The following RBFOX1 variants were observed in gnomAD, a reference collection of about 807,000 sequenced individuals.
RBFOX1 encodes the protein RNA binding protein fox-1 homolog 1.
A neutral mutation model predicts 57.7 loss-of-function variants in RBFOX1; 8 were observed. That is an observed-to-expected ratio of 0.14 (90% CI 0.08 to 0.25). The LOEUF is 0.25. Ranked by LOEUF, RBFOX1 falls within the 10% of genes least tolerant of loss-of-function variation. RBFOX1 has a pLI of 1.00. For synonymous variants in RBFOX1, 326 were observed against 222.4 expected, an observed-to-expected ratio of 1.47 and a Z score of -4.15; for missense variants, 611 against 548.5, an observed-to-expected ratio of 1.11 and a Z score of -1.14.
chr16:7,668,616 A>G (rs1042773908), intron 13 of RBFOX1, among the ~76,000 whole-genome samples: 1 of 152,084 alleles, frequency 6.6e-6, no homozygotes, highest in African/African-American at 2.4e-5. Flanking sequence ...AATGGAGGGT[A>G]GGAATGATCT....
chr16:5,565,478 A>T (rs1005562753), intron 2 of RBFOX1, among the ~76,000 whole-genome samples: 14 of 151,984 alleles, frequency 9.2e-5, no homozygotes, highest in Non-Finnish European at 1.8e-4. Flanking sequence ...ATACAAAATT[A>T]GCTGGGCATG....
intron 2 of RBFOX1, among the ~76,000 whole-genome samples, chr16:6,456,062 G>A (rs1427669118): frequency 3.3e-5 from 5 of 152,108 alleles, no homozygotes; most frequent in Non-Finnish European, 7.4e-5. Context: ...AAGATTATAT[G>A]TCTTTATATG....
At chr16:6,759,498 T>TG (rs1265564900) in intron 3 of RBFOX1, among the ~76,000 whole-genome samples, 1 of 149,968 alleles carries the variant, frequency 6.7e-6, no homozygotes, top group Non-Finnish European at 1.5e-5. Flanking sequence ...TGTGTGTGTG[T>TG]GTGTGTGTGT....
At chr16:6,579,998 G>A (rs7186537) in intron 2 of RBFOX1, among the ~76,000 whole-genome samples, 65,050 of 151,488 alleles carry the variant, frequency 0.43, 15,604 homozygotes, top group East Asian at 0.67. Flanking sequence ...TTGCTCTGTC[G>A]CCCAGGCTGG....
At chr16:5,367,543 G>A (rs1472042668) in intron 1 of RBFOX1, among the ~76,000 whole-genome samples, 1 of 151,976 alleles carries the variant, frequency 6.6e-6, no homozygotes, top group Non-Finnish European at 1.5e-5. Context: ...TGTCTTTGGA[G>A]TGTTAGGTTC....
At chr16:6,422,326 T>C (rs1334987292) in intron 2 of RBFOX1, among the ~76,000 whole-genome samples, 1 of 150,834 alleles carries the variant, frequency 6.6e-6, no homozygotes, top group Admixed American at 6.6e-5. Flanking sequence ...AGGTTCGGGG[T>C]GTGGATGATC....
chr16:6,187,482 C>T (rs1195573118), intron 1 of RBFOX1, among the ~76,000 whole-genome samples: 2 of 152,082 alleles, frequency 1.3e-5, no homozygotes, highest in Non-Finnish European at 2.9e-5. Flanking sequence ...CTAAGCTTTT[C>T]TAATGATGGG....
chr16:5,296,788 C>G (rs2063680296), intron 1 of RBFOX1, among the ~76,000 whole-genome samples: 1 of 151,766 alleles, frequency 6.6e-6, no homozygotes, highest in African/African-American at 2.4e-5. Flanking sequence ...AAGCAATTCT[C>G]CTGTCTCAGC....
chr16:6,940,859 G>GTGTGTGTC (rs1555653139), intron 3 of RBFOX1, among the ~76,000 whole-genome samples: 2 of 95,692 alleles, frequency 2.1e-5, no homozygotes, highest in African/African-American at 1.1e-4. Flanking sequence ...GTCTGTGTGT[G>GTGTGTGTC]TGTGTGTGTG....
At chr16:6,885,015 C>G (rs1216419521) in intron 3 of RBFOX1, among the ~76,000 whole-genome samples, 1 of 152,164 alleles carries the variant, frequency 6.6e-6, no homozygotes, top group Non-Finnish European at 1.5e-5. Flanking sequence ...TCAATAATTA[C>G]TGTCATGTTT....
intron 5 of RBFOX1, among the ~76,000 whole-genome samples, chr16:7,527,163 T>A (rs2078899812): frequency 6.6e-6 from 1 of 152,160 alleles, no homozygotes; most frequent in African/African-American, 2.4e-5. Flanking sequence ...CAATACCAGT[T>A]CTATTTTCCT....
At chr16:6,197,216 G>A (rs532523135) in intron 1 of RBFOX1, among the ~76,000 whole-genome samples, 5 of 152,116 alleles carry the variant, frequency 3.3e-5, no homozygotes, top group South Asian at 4.1e-4. Context: ...CCCTCTGGTG[G>A]CCCCCAAGCA....
chr16:6,106,787 C>T (rs747063237), intron 1 of RBFOX1, among the ~76,000 whole-genome samples: 6 of 152,152 alleles, frequency 3.9e-5, no homozygotes, highest in African/African-American at 7.2e-5. Context: ...TCTGCCTCAG[C>T]CTCCCAAGTA....
intron 3 of RBFOX1, among the ~76,000 whole-genome samples, chr16:6,748,071 T>C (rs1326341699): frequency 2.6e-5 from 4 of 152,178 alleles, no homozygotes; most frequent in Admixed American, 2.6e-4. Context: ...TTCCTGATAC[T>C]TTTTTTGTGT....
chr16:6,460,349 C>G lies in RBFOX1; in HGVS notation c.-64+143292C>G, dbSNP rs145483938. On this transcript the variant is annotated intron_variant, in intron 2 of 15. Transcript: ENST00000550418. ...ATGAGAGAAAATTTTTGCAATCTATCCGTCTGACAAAGGTCTAATATCCAG... is the reference window on the plus strand; with the variant it reads ...ATGAGAGAAAATTTTTGCAATCTATGCGTCTGACAAAGGTCTAATATCCAG... Among the ~76,000 whole-genome samples, 140 of 152,006 alleles carry G rather than the reference C, an allele frequency of 9.2e-4. 2 individuals are homozygous for G. Among genetic ancestry groups the G allele is most frequent in the African/African-American group, 3.3e-3 (136 of 41,448 alleles).
intron 3 of RBFOX1, among the ~76,000 whole-genome samples, chr16:7,021,100 C>T (rs2038898674): frequency 6.6e-6 from 1 of 152,088 alleles, no homozygotes; most frequent in Admixed American, 6.6e-5. Context: ...TGCACTCCAG[C>T]ATGAGTGAGA....
At chr16:6,454,867 T>TCG (rs2094723514) in intron 2 of RBFOX1, among the ~76,000 whole-genome samples, 1 of 22,474 alleles carries the variant, frequency 4.4e-5, no homozygotes, top group Non-Finnish European at 7.9e-5. Context: ...CAGGTTTTTT[T>TCG]TTTTTTTTTT....
chr16:7,486,596 G>A (rs2065461212), intron 4 of RBFOX1, among the ~76,000 whole-genome samples: 1 of 152,150 alleles, frequency 6.6e-6, no homozygotes, highest in Admixed American at 6.5e-5. Context: ...GGCGAGCAAA[G>A]CACCTGGCAT....
chr16:7,015,820 G>T (rs1298378291), intron 3 of RBFOX1, among the ~76,000 whole-genome samples: 1 of 151,346 alleles, frequency 6.6e-6, no homozygotes, highest in Non-Finnish European at 1.5e-5. Context: ...TGGGTAGAAA[G>T]AAATATTATT....
Sources: gnomAD v4.1 joint callset for allele counts (sites outside exome capture counted in the v4.1 genomes callset) on GRCh38, gnomAD v4.1.1 for gene constraint, MANE v1.5 for transcripts, NCBI Gene and HGNC (gene_info 2026-07-23, HGNC 2026-07-21) for gene names.